SV2B: variants seen among roughly 807,000 people sequenced by gnomAD.
SV2B encodes the protein solute carrier family 22 member B2.
A neutral mutation model predicts 73.9 loss-of-function variants in SV2B; 41 were observed. That is an observed-to-expected ratio of 0.56 (90% CI 0.43 to 0.72). The LOEUF (loss-of-function observed/expected upper bound fraction) is 0.72. SV2B is among the 30% of genes least tolerant of loss of function. The pLI, the probability that SV2B is intolerant of heterozygous loss-of-function variation, is 0.00. For synonymous variants in SV2B, 314 were observed against 314.2 expected, an observed-to-expected ratio of 1.00 and a Z score of 0.01; for missense variants, 764 against 857.8, an observed-to-expected ratio of 0.89 and a Z score of 1.37.
At chr15:91,102,381 A>G (rs1205921352) in intron 1 of SV2B, 1 of 152,212 alleles carries the variant, frequency 6.6e-6, no homozygotes, top group African/African-American at 2.4e-5. Context: ...GATCTGTAAA[A>G]TGGAGACAGT....
Position 91,281,960 on chromosome 15 carries a change from A to C in SV2B, c.1507+99A>C, listed in dbSNP as rs1444839000. 11 of 1,342,812 alleles carry C rather than the reference A, an allele frequency of 8.2e-6. No homozygotes were observed. Among genetic ancestry groups the C allele is most frequent in the Non-Finnish European group, 1.1e-5 (11 of 1,009,976 alleles). The allele number at this position is 1,342,812 out of a possible 1,614,324, so 83.2% of individuals were successfully genotyped here. ...CAGGCATAAACTTTAGGAGTAGGAA[A>C]GTATTCGTAGATACAAATGCCAAGC... is the stretch of plus-strand genomic sequence containing the variant. On this transcript the variant is annotated intron_variant, in intron 10 of 12. Transcript: ENST00000394232. This position sits in a 1 kb window ranked among gnomAD's most constrained non-coding sequence, Gnocchi z 4.7.
chr15:91,165,680 T>C (rs1040944237), intron 1 of SV2B, among the ~76,000 whole-genome samples: 1 of 152,222 alleles, frequency 6.6e-6, no homozygotes, highest in African/African-American at 2.4e-5. Flanking sequence ...AGGAAGGTGA[T>C]CTATCTTCAT....
chr15:91,202,301 C>T (rs1407038148), intron 1 of SV2B, among the ~76,000 whole-genome samples: 1 of 152,196 alleles, frequency 6.6e-6, no homozygotes, highest in Admixed American at 6.5e-5. Context: ...TTGTCCACTA[C>T]TGTTTCTGCA....
In SV2B at chr15:91,242,593, T is replaced by C. The variant is rs2047062304; in HGVS notation, c.452-9226T>C. ...CATGCGAAGATCTGAACAAAGAACA[T>C]TCTAGATAGAGGAAAGAGCAGTGTG... On this transcript the variant is annotated intron_variant, in intron 2 of 12. Coordinates refer to ENST00000394232, the MANE Select transcript of SV2B (RefSeq NM_001323032.3). The surrounding 1 kb of genome is among the most constrained non-coding windows in gnomAD (Gnocchi z 4.9). Among the ~76,000 whole-genome samples the C allele has an allele frequency of 6.6e-6, 1 of 152,124 alleles. No homozygotes were observed. Among genetic ancestry groups the C allele is most frequent in the African/African-American group, 2.4e-5 (1 of 41,414 alleles).
In SV2B at chr15:91,276,799, G is replaced by GTTATTATTA. The variant is rs1290710147; in HGVS notation, c.1374-4927_1374-4926insATTATTATT. On this transcript the variant is annotated intron_variant, in intron 9 of 12. Transcript: ENST00000394232. ...TGATAGTTCCAGTATTTATATTATTGTTGTTGTTATTATTATTATTATTAT... is the reference window on the plus strand; with the variant it reads ...TGATAGTTCCAGTATTTATATTATTGTTATTATTATTGTTGTTATTATTATTATTATTAT... 3.9e-3 allele frequency among the ~76,000 whole-genome samples: 303 copies of GTTATTATTA among 77,336 alleles called. 2 individuals carry two copies. The highest frequency in any genetic ancestry group is 0.018 in the African/African-American group (291 of 15,858). 50.7% of individuals were successfully genotyped at this position (77,336 alleles called of 152,430 possible). A position where few individuals can be genotyped will look rare whatever the true frequency, so the allele number is the denominator to read the frequency against.
chr15:91,270,801 C>T lies in SV2B; in HGVS notation c.1373+2196C>T, dbSNP rs1162832840. 2.0e-5 allele frequency among the ~76,000 whole-genome samples: 3 copies of T among 146,576 alleles called. No individual in the cohort carries two copies. The Admixed American group carries it at 2.1e-4, about 10-fold the overall frequency. ...TGTGGATGATGGGGGGATGGTGAAT[C>T]CTGTGGATGATGGGGGGATGGTGAA... On this transcript the variant is annotated intron_variant, in intron 9 of 12. Coordinates refer to ENST00000394232, the MANE Select transcript of SV2B (RefSeq NM_001323032.3).
chr15:91,127,970 A>C (rs899894747), intron 1 of SV2B, among the ~76,000 whole-genome samples: 1 of 152,216 alleles, frequency 6.6e-6, no homozygotes, highest in African/African-American at 2.4e-5. Context: ...GGATAAGGTC[A>C]TGAAGAATGG....
chr15:91,115,054 A>AG lies in SV2B; in HGVS notation c.-392+14695dup, dbSNP rs1377963787. On this transcript the variant is annotated intron_variant, in intron 1 of 12. Coordinates refer to ENST00000394232, the MANE Select transcript of SV2B (RefSeq NM_001323032.3). The surrounding 1 kb of genome is among the most constrained non-coding windows in gnomAD (Gnocchi z 4.3). ...TCCCAAGATGGCAGGTAGTGAGGAA[A>AG]GGGGAGTTTCTTAAAGGAACACTGG... 6.6e-6 allele frequency among the ~76,000 whole-genome samples: 1 copy of AG among 152,228 alleles called. No homozygotes were observed. The highest frequency in any genetic ancestry group is 1.5e-5 in the Non-Finnish European group (1 of 68,034).
chr15:91,252,243 G>A lies in SV2B; in HGVS notation c.633-126G>A, dbSNP rs553220341. On this transcript the variant is annotated intron_variant, in intron 3 of 12. Transcript: ENST00000394232. The surrounding 1 kb of genome is among the most constrained non-coding windows in gnomAD (Gnocchi z 4.6). ...ACATGTAGAGAGGAACTAACTGGCCGGTCTCTCAAATTCACTGGGTCCTTT... is the reference window on the plus strand; with the variant it reads ...ACATGTAGAGAGGAACTAACTGGCCAGTCTCTCAAATTCACTGGGTCCTTT... 34 of 1,324,624 alleles carry A rather than the reference G, an allele frequency of 2.6e-5. No homozygotes were observed. The highest frequency in any genetic ancestry group is 1.9e-4 in the South Asian group (13 of 68,504). The allele number at this position is 1,324,624 out of a possible 1,614,324, so 82.1% of individuals were successfully genotyped here.
At chr15:91,266,736 G>A (rs1567412703) in intron 7 of SV2B, 44 bp downstream of exon 7, 1 of 1,482,762 alleles carries the variant, frequency 6.7e-7, no homozygotes, top group Non-Finnish European at 9.4e-7. Flanking sequence ...GTCTCTATGG[G>A]AGTCTCTTAC....
chr15:91,260,716 A>G (rs1406639588), intron 6 of SV2B, among the ~76,000 whole-genome samples: 6 of 152,192 alleles, frequency 3.9e-5, no homozygotes, highest in African/African-American at 1.2e-4. Context: ...GAGACTGGGA[A>G]GAAAAAGAAG....
chr15:91,188,370 G>T (rs1432641328), intron 1 of SV2B, among the ~76,000 whole-genome samples: 1 of 151,936 alleles, frequency 6.6e-6, no homozygotes, highest in Non-Finnish European at 1.5e-5. Flanking sequence ...CTGGAGTGCA[G>T]TGGCAAGATC....
chr15:91,162,147 T>C (rs2043742407), intron 1 of SV2B, among the ~76,000 whole-genome samples: 1 of 151,478 alleles, frequency 6.6e-6, no homozygotes, highest in African/African-American at 2.4e-5. Flanking sequence ...TAGAGGAGTA[T>C]AAATCAATTC....
At position 91,226,812 on chromosome 15, in the gene SV2B, T is replaced by A. The variant is rs2046399580; in HGVS notation, c.451+98T>A. ...ATTAGGCACTTTAAATATATCACAA[T>A]GTACCCATTTTGCTGTGAAGGAATT... On this transcript the variant is annotated intron_variant, in intron 2 of 12. Coordinates refer to ENST00000394232, the MANE Select transcript of SV2B (RefSeq NM_001323032.3). 8 of 1,395,120 alleles carry A rather than the reference T, an allele frequency of 5.7e-6. No individual in the cohort carries two copies. In the Admixed American group the frequency reaches 1.7e-4, roughly 29 times the overall value. The allele number at this position is 1,395,120 out of a possible 1,614,324, so 86.4% of individuals were successfully genotyped here. A position where few individuals can be genotyped will look rare whatever the true frequency, so the allele number is the denominator to read the frequency against.
chr15:91,191,422 C>G (rs1181378902), intron 1 of SV2B, among the ~76,000 whole-genome samples: 1 of 152,074 alleles, frequency 6.6e-6, no homozygotes, highest in Non-Finnish European at 1.5e-5. Flanking sequence ...TTAATCCCCC[C>G]CACCTTCATA....
intron 1 of SV2B, among the ~76,000 whole-genome samples, chr15:91,131,392 G>C (rs1284071920): frequency 6.6e-6 from 1 of 151,442 alleles, no homozygotes; most frequent in African/African-American, 2.4e-5. Context: ...GTATTGGGGG[G>C]GGTTGGGCAG....
intron 1 of SV2B, among the ~76,000 whole-genome samples, chr15:91,169,945 A>G (rs183551499): frequency 0.012 from 1,752 of 152,302 alleles, 25 homozygotes; most frequent in South Asian, 0.029. Context: ...CTGCAAAAGC[A>G]ATGTTTAAAA....
In SV2B at chr15:91,260,490, T is replaced by C. The variant is rs2047870943; in HGVS notation, c.1008+81T>C. The C allele has an allele frequency of 2.7e-6, 3 of 1,101,938 alleles. No individual in the cohort carries two copies. In the South Asian group the frequency reaches 5.4e-5, roughly 20 times the overall value. The allele number at this position is 1,101,938 out of a possible 1,614,324, so 68.3% of individuals were successfully genotyped here. Reference sequence around the variant, plus strand: ...TTTACTAAAAAGTAATTTAAGCACATAACAGGAAATTTGTCAAAAGGAGAA... The same window carrying C: ...TTTACTAAAAAGTAATTTAAGCACACAACAGGAAATTTGTCAAAAGGAGAA... On this transcript the variant is annotated intron_variant, in intron 6 of 12. Transcript: ENST00000394232.
intron 1 of SV2B, among the ~76,000 whole-genome samples, chr15:91,210,784 A>G (rs1050679829): frequency 6.6e-6 from 1 of 152,234 alleles, no homozygotes; most frequent in Non-Finnish European, 1.5e-5. Flanking sequence ...CCAAAGGTTC[A>G]AACGAACCAG....
Sources: gnomAD v4.1 joint callset for allele counts (sites outside exome capture counted in the v4.1 genomes callset) on GRCh38, gnomAD v4.1.1 for gene constraint, Gnocchi (gnomAD v3.1) non-coding constraint, MANE v1.5 for transcripts, NCBI Gene and HGNC (gene_info 2026-07-23, HGNC 2026-07-21) for gene names.